Variants in SAMD12 observed in about 807,000 individuals in gnomAD.
The protein encoded by SAMD12 is sterile alpha motif domain-containing protein 12.
Under a neutral mutation model 15.0 loss-of-function variants are expected in SAMD12, and 9 were observed. The ratio of observed to expected loss-of-function variants is 0.60; its 90% confidence interval spans 0.36 to 1.05. The LOEUF is 1.05. SAMD12 is among the 50% of genes least tolerant of loss of function. The pLI is 0.01. For missense variants in SAMD12, 230 were observed against 234.2 expected, an observed-to-expected ratio of 0.98 and a Z score of 0.12; for synonymous variants, 86 against 90.1, an observed-to-expected ratio of 0.96 and a Z score of 0.25.
chr8:118,243,469 T>TTA lies in SAMD12; in HGVS notation c.434-45738_434-45737insTA, dbSNP rs1554616434. 4.6e-5 allele frequency among the ~76,000 whole-genome samples: 7 copies of TTA among 151,768 alleles called. No homozygotes were observed. In the South Asian group the frequency reaches 1.3e-3, roughly 27 times the overall value. The stretch of plus-strand genomic sequence containing the variant: ...ATGCACTGTACCACTCCATTTTTTT[T>TTA]AAAAAAAACTATATACTCAGGTGCA... On this transcript the variant is annotated intron_variant, in intron 4 of 4. Transcript: ENST00000409003.
intron 4 of SAMD12, among the ~76,000 whole-genome samples, chr8:118,370,293 G>A (rs146757620): frequency 6.6e-6 from 1 of 152,290 alleles, no homozygotes; most frequent in East Asian, 1.9e-4. Flanking sequence ...AACAGATGCT[G>A]GTGAGGTTGT....
chr8:118,193,249 G>T (rs1819457282), exon 5 of SAMD12: 1 of 152,176 alleles, frequency 6.6e-6, no homozygotes, highest in Admixed American at 6.5e-5. Context: ...TTAAGGTGTG[G>T]TAGAACTTTC....
At chr8:118,273,587 C>T (rs774675090) in intron 4 of SAMD12, among the ~76,000 whole-genome samples, 4 of 152,180 alleles carry the variant, frequency 2.6e-5, no homozygotes, top group Admixed American at 6.5e-5. Context: ...GGGGAAGGTA[C>T]AGCTCAGAGT....
chr8:118,296,884 A>G (rs1814741058), intron 4 of SAMD12, among the ~76,000 whole-genome samples: 1 of 152,230 alleles, frequency 6.6e-6, no homozygotes, highest in South Asian at 2.1e-4. Context: ...ACTCTGTGCT[A>G]GGCACTGTTC....
chr8:118,446,070 T>C (rs1197003307), intron 2 of SAMD12, among the ~76,000 whole-genome samples: 2 of 152,196 alleles, frequency 1.3e-5, no homozygotes, highest in South Asian at 2.1e-4. Flanking sequence ...TTAACCAATG[T>C]ATTCGTTATT....
intron 2 of SAMD12, among the ~76,000 whole-genome samples, chr8:118,487,322 A>G (rs372044487): frequency 6.6e-6 from 1 of 152,204 alleles, no homozygotes; most frequent in East Asian, 1.9e-4. Flanking sequence ...AAGCTTTGAA[A>G]GGAATTCAGG....
In SAMD12 at chr8:118,248,069, G is replaced by A. The variant is rs543922811; in HGVS notation, c.434-50337C>T. Among the ~76,000 whole-genome samples, 24 of 152,120 alleles carry A rather than the reference G, an allele frequency of 1.6e-4. No homozygotes were observed. The South Asian group carries it at 1.7e-3, about 11-fold the overall frequency. On this transcript the variant is annotated intron_variant, in intron 4 of 4. Transcript: ENST00000409003. ...TCAGAGTTCACTGTTAATTGAAATCGTTGTAAAAGTTCAGGTAAGAGATAA... is the reference window on the plus strand; with the variant it reads ...TCAGAGTTCACTGTTAATTGAAATCATTGTAAAAGTTCAGGTAAGAGATAA...
At chr8:118,398,632 T>C (rs1055616648) in intron 3 of SAMD12, among the ~76,000 whole-genome samples, 7 of 152,112 alleles carry the variant, frequency 4.6e-5, no homozygotes, top group Non-Finnish European at 1.0e-4. Flanking sequence ...CTTCCACTTA[T>C]ATACAGTTCT....
chr8:118,166,858 G>A, the SAMD12 span, among the ~76,000 whole-genome samples: 3 of 152,246 alleles, frequency 2.0e-5, no homozygotes, highest in Non-Finnish European at 4.4e-5. Context: ...AGCCCCTTAT[G>A]TATATCTGGG....
At chr8:118,434,246 A>C (rs4876835) in intron 3 of SAMD12, among the ~76,000 whole-genome samples, 88,602 of 152,034 alleles carry the variant, frequency 0.58, 26,761 homozygotes, top group Admixed American at 0.66. Flanking sequence ...AAAAAACAGA[A>C]CAGAGGCATA....
intron 4 of SAMD12, among the ~76,000 whole-genome samples, chr8:118,312,745 A>G (rs1815694183): frequency 6.6e-6 from 1 of 152,176 alleles, no homozygotes; most frequent in Non-Finnish European, 1.5e-5. Context: ...AAAGTGTGCA[A>G]TTGAGGAAAT....
chr8:118,449,815 A>C (rs200044001), intron 2 of SAMD12, among the ~76,000 whole-genome samples: 2,555 of 138,986 alleles, frequency 0.018, 67 homozygotes, highest in African/African-American at 0.052. Flanking sequence ...AAAAAAAAAA[A>C]AACAACAAAA....
chr8:118,513,075 G>A (rs1419766909), intron 2 of SAMD12, among the ~76,000 whole-genome samples: 3 of 151,916 alleles, frequency 2.0e-5, no homozygotes, highest in African/African-American at 7.3e-5. Context: ...ACAATTTGAG[G>A]GCAGGGATCA....
Position 118,345,409 on chromosome 8 carries a change from T to C in SAMD12, c.433+34151A>G, listed in dbSNP as rs540173073. Among the ~76,000 whole-genome samples, 19 of 152,218 alleles carry C rather than the reference T, an allele frequency of 1.2e-4. No individual in the cohort carries two copies. In the South Asian group the frequency reaches 2.9e-3, roughly 23 times the overall value. Reference sequence around the variant, plus strand: ...ATGCATGACTGTATAAGCAATAAAGTGATACGCGCTAAGGTATATGGTAGA... The same window carrying C: ...ATGCATGACTGTATAAGCAATAAAGCGATACGCGCTAAGGTATATGGTAGA... On this transcript the variant is annotated intron_variant, in intron 4 of 4. Transcript: ENST00000409003.
chr8:118,619,835 G>A lies in SAMD12; in HGVS notation c.13+1969C>T, dbSNP rs72678181. On this transcript the variant is annotated intron_variant, in intron 1 of 3. Coordinates refer to ENST00000314727, the MANE Select transcript of SAMD12 (RefSeq NM_207506.3). ...GGGCTGGGACAGTTTCCCAGAGGAA[G>A]TGACATTTTCCCAAAGGCTTGAAAG... is the stretch of plus-strand genomic sequence containing the variant. Among the ~76,000 whole-genome samples, 1,432 of 152,302 alleles carry A rather than the reference G, an allele frequency of 9.4e-3. 12 individuals are homozygous for A. The highest frequency in any genetic ancestry group is 0.031 in the Middle Eastern group (9 of 294).
intron 3 of SAMD12, among the ~76,000 whole-genome samples, chr8:118,435,998 A>T (rs1021570347): frequency 6.6e-6 from 1 of 152,234 alleles, no homozygotes; most frequent in Admixed American, 6.5e-5. Flanking sequence ...CAGAAGTTAC[A>T]TGTCAATGGA....
At chr8:118,274,642 A>G (rs1050035876) in intron 4 of SAMD12, among the ~76,000 whole-genome samples, 2 of 152,156 alleles carry the variant, frequency 1.3e-5, no homozygotes, top group African/African-American at 4.8e-5. Context: ...TTACATACAT[A>G]TATCTTTCCA....
Position 118,497,722 on chromosome 8 carries a change from G to GT in SAMD12, c.193-57762_193-57761insA, listed in dbSNP as rs1428741872. 5.0e-3 allele frequency among the ~76,000 whole-genome samples: 398 copies of GT among 78,854 alleles called. 7 individuals carry two copies. Among genetic ancestry groups the GT allele is most frequent in the African/African-American group, 0.027 (380 of 14,174 alleles). 51.7% of individuals were successfully genotyped at this position (78,854 alleles called of 152,430 possible). A position where few individuals can be genotyped will look rare whatever the true frequency, so the allele number is the denominator to read the frequency against. On this transcript the variant is annotated intron_variant, in intron 2 of 3. Transcript: ENST00000314727. ...CCTGGAATCTAAAATAACTTAAGTT[G>GT]CGGGGGGGGGTGGGGGGAAAGAAAA...
intron 4 of SAMD12, among the ~76,000 whole-genome samples, chr8:118,238,701 G>C (rs2514971): frequency 0.14 from 21,279 of 152,118 alleles, 2,554 homozygotes; most frequent in East Asian, 0.62. Flanking sequence ...AAAAGCATCT[G>C]TTATTTCTTT....
Sources: gnomAD v4.1 joint callset for allele counts (sites outside exome capture counted in the v4.1 genomes callset) on GRCh38, gnomAD v4.1.1 for gene constraint, MANE v1.5 for transcripts, NCBI Gene and HGNC (gene_info 2026-07-23, HGNC 2026-07-21) for gene names.